EYS: variants seen among roughly 807,000 people sequenced by gnomAD.
EYS encodes the protein EGF-like photoreceptor maintenance factor, also known as protein eyes shut homolog.
EYS carries 250 observed loss-of-function variants against 282.1 expected under a neutral mutation model. That is an observed-to-expected ratio of 0.89 (90% CI 0.80 to 0.98). The LOEUF (loss-of-function observed/expected upper bound fraction) is 0.98. Among genes scored for constraint, EYS ranks in the 50% least tolerant of loss-of-function variants. The probability of loss-of-function intolerance (pLI) is 0.00; values close to 1 mark genes in which losing one functional copy is unlikely to be tolerated. For missense variants in EYS, 4,016 were observed against 3,709.0 expected (o/e 1.08, Z -2.15); for synonymous variants, 1,355 against 1,282.9 (o/e 1.06, Z -1.20).
chr6:64,953,198 T>A (rs1339118083), intron 14 of EYS, among the ~76,000 whole-genome samples: 1 of 151,848 alleles, frequency 6.6e-6, no homozygotes, highest in East Asian at 1.9e-4. Flanking sequence ...TGTATTTTAT[T>A]CAGTCTTAGC....
chr6:64,763,645 A>T (rs1773231684), intron 22 of EYS, among the ~76,000 whole-genome samples: 1 of 152,116 alleles, frequency 6.6e-6, no homozygotes, highest in African/African-American at 2.4e-5. Flanking sequence ...AGCCATCCCA[A>T]CAGTCCCCCA....
At chr6:65,013,703 C>G (rs1247005035) in intron 13 of EYS, among the ~76,000 whole-genome samples, 1 of 151,916 alleles carries the variant, frequency 6.6e-6, no homozygotes, top group African/African-American at 2.4e-5. Flanking sequence ...TAGTGAGACC[C>G]CTAGAGGTGG....
At chr6:64,148,292 CATTGCTAAGT>C in intron 31 of EYS, among the ~76,000 whole-genome samples, 1 of 152,142 alleles carries the variant, frequency 6.6e-6, no homozygotes, top group Middle Eastern at 3.4e-3. Flanking sequence ...TATGAAATAT[CATTGCTAAGT>C]TTTGTTATAT....
At chr6:65,197,060 C>T (rs1765784646) in intron 12 of EYS, among the ~76,000 whole-genome samples, 1 of 152,016 alleles carries the variant, frequency 6.6e-6, no homozygotes, top group African/African-American at 2.4e-5. Context: ...TTCCAAAGGT[C>T]ATTCTGTAGC....
chr6:65,437,232 A>G (rs1768108180), intron 5 of EYS, among the ~76,000 whole-genome samples: 1 of 152,128 alleles, frequency 6.6e-6, no homozygotes, highest in Admixed American at 6.6e-5. Context: ...GCAATATCCT[A>G]ACAACTGCAG....
At chr6:64,452,127 A>G (rs1289217663) in intron 26 of EYS, among the ~76,000 whole-genome samples, 1 of 152,178 alleles carries the variant, frequency 6.6e-6, no homozygotes, top group Non-Finnish European at 1.5e-5. Context: ...TCAGCCCAAA[A>G]TCTCCTTAAG....
chr6:64,969,649 G>A (rs980765242), intron 14 of EYS, among the ~76,000 whole-genome samples: 4 of 152,126 alleles, frequency 2.6e-5, no homozygotes, highest in Admixed American at 6.5e-5. Flanking sequence ...AGATGGTGCA[G>A]ACATCTCTGC....
In EYS at chr6:64,623,339, G is replaced by A. The variant is rs558456861; in HGVS notation, c.3568+2782C>T. Among the ~76,000 whole-genome samples the A allele has an allele frequency of 1.1e-3, 170 of 152,246 alleles. 1 individual carries two copies. The highest frequency in any genetic ancestry group is 6.8e-3 in the Middle Eastern group (2 of 294). On this transcript the variant is annotated intron_variant, in intron 23 of 42. Coordinates refer to ENST00000503581, the MANE Select transcript of EYS (RefSeq NM_001142800.2). ...AATATGAGAAATGATGAATGCACAAGTGTCAGTGCAGACTTCTTAGGTGTG... is the reference window on the plus strand; with the variant it reads ...AATATGAGAAATGATGAATGCACAAATGTCAGTGCAGACTTCTTAGGTGTG...
chr6:64,608,836 T>C (rs1041009749), intron 24 of EYS, among the ~76,000 whole-genome samples: 1 of 152,134 alleles, frequency 6.6e-6, no homozygotes. Context: ...TTCAACTATA[T>C]GGCATCCTTA....
intron 31 of EYS, 26 bp from the exon 32 acceptor site, chr6:64,082,028 G>T: frequency 7.0e-7 from 1 of 1,438,610 alleles, no homozygotes. Context: ...GTATTAATAT[G>T]TTCTGATAGC....
At chr6:64,936,752 T>C (rs1768918935) in intron 15 of EYS, among the ~76,000 whole-genome samples, 1 of 151,302 alleles carries the variant, frequency 6.6e-6, no homozygotes, top group East Asian at 1.9e-4. Context: ...AAAATATTAT[T>C]GAAAGAAATT....
At chr6:64,200,489 A>T (rs1050815337) in intron 31 of EYS, among the ~76,000 whole-genome samples, 2 of 152,178 alleles carry the variant, frequency 1.3e-5, no homozygotes, top group African/African-American at 4.8e-5. Flanking sequence ...AAAGTAAAAA[A>T]TTCAAGTATT....
intron 15 of EYS, among the ~76,000 whole-genome samples, chr6:64,936,341 T>C (rs1486415709): frequency 6.6e-6 from 1 of 151,482 alleles, no homozygotes; most frequent in African/African-American, 2.4e-5. Context: ...GCTAACATCA[T>C]ACTTTATGGT....
At chr6:64,492,295 CTGAG>C (rs570715501) in intron 26 of EYS, among the ~76,000 whole-genome samples, 2 of 151,290 alleles carry the variant, frequency 1.3e-5, no homozygotes, top group South Asian at 4.1e-4. Context: ...ATGATTTCTG[CTGAG>C]TATTATTCAA....
chr6:64,296,584 ACATATATATATATATTTTTTTT>A (rs1769022806), intron 30 of EYS, among the ~76,000 whole-genome samples: 1 of 3,556 alleles, frequency 2.8e-4, no homozygotes, highest in East Asian at 7.8e-3. Flanking sequence ...ATATATATAT[ACATATATATATATATTTTTTTT>A]TTTTTTTTTT....
At chr6:65,503,228 A>T (rs1339120331) in intron 2 of EYS, among the ~76,000 whole-genome samples, 1 of 151,600 alleles carries the variant, frequency 6.6e-6, no homozygotes, top group African/African-American at 2.4e-5. Flanking sequence ...AATGATGTTG[A>T]ACACCTTTTT....
intron 22 of EYS, among the ~76,000 whole-genome samples, chr6:64,764,007 C>T (rs540547090): frequency 6.6e-6 from 1 of 152,274 alleles, no homozygotes; most frequent in African/African-American, 2.4e-5. Flanking sequence ...CAGGGTACAG[C>T]TCCTCCTGAC....
intron 13 of EYS, among the ~76,000 whole-genome samples, chr6:65,046,360 A>G (rs111278935): frequency 1.3e-5 from 2 of 151,896 alleles, no homozygotes; most frequent in African/African-American, 4.8e-5. Flanking sequence ...CAAGTAGCAA[A>G]TCATGAGAGT....
At chr6:64,654,278 A>G (rs7744674) in intron 22 of EYS, among the ~76,000 whole-genome samples, 97,268 of 152,016 alleles carry the variant, frequency 0.64, 31,358 homozygotes, top group African/African-American at 0.71. Context: ...TCTCACTTTT[A>G]CAAATAATAT....
Sources: gnomAD v4.1 joint callset for allele counts (sites outside exome capture counted in the v4.1 genomes callset) on GRCh38, gnomAD v4.1.1 for gene constraint, MANE v1.5 for transcripts, NCBI Gene and HGNC (gene_info 2026-07-23, HGNC 2026-07-21) for gene names.